Variants in PCM1 observed in about 807,000 individuals in gnomAD.
PCM1 encodes pericentriolar material 1.
Under a neutral mutation model 241.9 loss-of-function variants are expected in PCM1, and 157 were observed. That is an observed-to-expected ratio of 0.65 (90% CI 0.57 to 0.74). The LOEUF (loss-of-function observed/expected upper bound fraction) is 0.74, where lower values mean the gene tolerates loss of function less well. PCM1 is among the 30% of genes least tolerant of loss of function. The pLI is 0.00. For missense variants in PCM1, 3,478 were observed against 2,360.1 expected (o/e 1.47, Z -9.81); for synonymous variants, 1,085 against 784.9 (o/e 1.38, Z -6.39).
intron 18 of PCM1, among the ~76,000 whole-genome samples, chr8:17,965,635 A>G (rs1023022118): frequency 1.3e-5 from 2 of 152,266 alleles, no homozygotes; most frequent in African/African-American, 4.8e-5. Flanking sequence ...TTCTTCATGA[A>G]TAACAGATGG....
At chr8:18,008,388 G>A (rs2091891143) in intron 30 of PCM1, among the ~76,000 whole-genome samples, 1 of 151,844 alleles carries the variant, frequency 6.6e-6, no homozygotes, top group Non-Finnish European at 1.5e-5. Context: ...TAAGCTCAGG[G>A]CTCCCACTGA....
intron 6 of PCM1, among the ~76,000 whole-genome samples, chr8:17,942,602 G>GT (rs1445716693): frequency 1.3e-5 from 2 of 152,058 alleles, no homozygotes; most frequent in East Asian, 1.9e-4. Flanking sequence ...TTTTTTGCTG[G>GT]TTTTTTCTGC....
rs1254889531 is a variant in PCM1 at position 17,965,963 on chromosome 8, A to G, written c.2856-36A>G. 9 of 1,483,382 alleles carry G rather than the reference A, an allele frequency of 6.1e-6. No homozygotes were observed. In the South Asian group the frequency reaches 8.8e-5, roughly 15 times the overall value. The allele number at this position is 1,483,382 out of a possible 1,614,324, so 91.9% of individuals were successfully genotyped here. A position where few individuals can be genotyped will look rare whatever the true frequency, so the allele number is the denominator to read the frequency against. On this transcript the variant is annotated intron_variant, in intron 18 of 38. Transcript: ENST00000325083. ...GCTGTATTTTAAAAACCAAATTATT[A>G]TGTATGATGACTTAATGCTTTCAAT...
chr8:17,959,435 A>G (rs933756593), intron 13 of PCM1, among the ~76,000 whole-genome samples: 10 of 152,046 alleles, frequency 6.6e-5, no homozygotes, highest in Non-Finnish European at 1.0e-4. Flanking sequence ...CTTGTTTTCA[A>G]TCTTTCGCTA....
At chr8:17,964,333 T>C (rs2073948042) in intron 17 of PCM1, among the ~76,000 whole-genome samples, 3 of 152,138 alleles carry the variant, frequency 2.0e-5, no homozygotes, top group South Asian at 2.1e-4. Flanking sequence ...TCCCAGGGGA[T>C]ATGATGATTA....
intron 23 of PCM1, chr8:17,980,351 A>G: frequency 5.9e-6 from 2 of 341,688 alleles, no homozygotes; most frequent in Non-Finnish European, 5.3e-6. Flanking sequence ...GAATTGGAAT[A>G]TACTCATTAA....
rs775751746 is a variant in PCM1, at chr8:17,955,426, A to G, written c.1289-44A>G. The G allele has an allele frequency of 2.1e-6, 3 of 1,402,146 alleles. No homozygotes were observed. The East Asian group carries it at 7.2e-5, about 34-fold the overall frequency. The allele number at this position is 1,402,146 out of a possible 1,614,324, so 86.9% of individuals were successfully genotyped here. On this transcript the variant is annotated intron_variant, in intron 9 of 38. Transcript: ENST00000325083. ...CCAACTGTATGTGTTTGTTTATGGTAACTGGTGATTAAAAAAAATTTTTTG... is the reference window on the plus strand; with the variant it reads ...CCAACTGTATGTGTTTGTTTATGGTGACTGGTGATTAAAAAAAATTTTTTG...
intron 7 of PCM1, among the ~76,000 whole-genome samples, chr8:17,949,865 A>G (rs906651167): frequency 6.6e-6 from 1 of 152,244 alleles, no homozygotes; most frequent in Non-Finnish European, 1.5e-5. Context: ...TTAGTAGAAC[A>G]GTGACTATCA....
intron 6 of PCM1, among the ~76,000 whole-genome samples, chr8:17,946,619 C>T (rs1227363237): frequency 6.6e-6 from 1 of 152,074 alleles, no homozygotes; most frequent in African/African-American, 2.4e-5. Context: ...GCCTCAGCCT[C>T]CTGAGTAGCT....
chr8:18,006,462 T>TG, intron 30 of PCM1, 65 bp downstream of exon 30: 1 of 1,081,130 alleles, frequency 9.2e-7, no homozygotes, highest in South Asian at 1.5e-5. Context: ...TTTCGGGGGG[T>TG]GGGTGAGGCA....
intron 31 of PCM1, among the ~76,000 whole-genome samples, chr8:18,010,320 A>G (rs117567887): frequency 2.3e-3 from 346 of 152,304 alleles, no homozygotes; most frequent in Non-Finnish European, 3.2e-3. Context: ...GAAACAAGCC[A>G]AGACCCAAAC....
intron 18 of PCM1, among the ~76,000 whole-genome samples, 198 bp downstream of exon 18, chr8:17,964,966 T>C (rs2074246859): frequency 6.6e-6 from 1 of 152,112 alleles, no homozygotes; most frequent in South Asian, 2.1e-4. Context: ...ACCTCAGACT[T>C]CAATTTCAAC....
rs1421558176 is a variant in PCM1 at position 18,014,584 on chromosome 8, A to T, written c.5585A>T (p.Asn1862Ile). 3 of 1,596,262 alleles carry T rather than the reference A, an allele frequency of 1.9e-6. No homozygotes were observed. Among genetic ancestry groups the T allele is most frequent in the Non-Finnish European group, 2.6e-6 (3 of 1,169,556 alleles). ...VPLEREATSK[N>I]DQNNCPVKPC... is the part of the protein sequence containing the mutation. ...TGTTAAGACTTTCTTTTGATGACAG[A>T]TGACCAAAATAACTGTCCTGTGAAA... Residue 1862 changes from asparagine to isoleucine, a missense_variant and splice_region_variant, in exon 36 of 39, where the codon AAT becomes ATT. Coordinates refer to ENST00000325083, the MANE Select transcript of PCM1 (RefSeq NM_006197.4).
rs761946651 is a variant in PCM1, at chr8:17,937,292, C to T, written c.255C>T (p.His85=). The T allele has an allele frequency of 6.2e-7, 1 of 1,609,368 alleles. No homozygotes were observed. Among genetic ancestry groups the T allele is most frequent in the Non-Finnish European group, 8.5e-7 (1 of 1,176,624 alleles). ...CAAAGACTCCACATACGTTCCCACA[C>T]AGTAGATACATGAGTCAGATGTCTG... The part of the protein sequence containing the change: ...RRTKTPHTFP[H]SRYMSQMSVP... The change falls in exon 4 of 39, where the codon CAC becomes CAT. Residue 85 remains histidine, a synonymous_variant. Transcript: ENST00000325083.
intron 5 of PCM1, among the ~76,000 whole-genome samples, 167 bp from the exon 6 acceptor site, chr8:17,939,524 A>G (rs933135032): frequency 2.6e-5 from 4 of 152,302 alleles, no homozygotes; most frequent in African/African-American, 9.6e-5. Flanking sequence ...ATTAAAATCT[A>G]AGCTGGATTC....
chr8:17,955,824 G>A (rs534335304), intron 10 of PCM1, 171 bp downstream of exon 10: 8 of 615,304 alleles, frequency 1.3e-5, no homozygotes, highest in African/African-American at 1.3e-4. Context: ...AATTTGAGTT[G>A]TCTAAGAGAT....
intron 5 of PCM1, 23 bp from the exon 6 acceptor site, chr8:17,939,668 T>C: frequency 7.0e-7 from 1 of 1,431,520 alleles, no homozygotes; most frequent in Non-Finnish European, 9.3e-7. Context: ...ATGCTTTTTT[T>C]AAAAAAAATA....
chr8:17,953,689 T>C (rs948404964), intron 9 of PCM1, among the ~76,000 whole-genome samples: 2 of 152,210 alleles, frequency 1.3e-5, no homozygotes, highest in Admixed American at 6.5e-5. Context: ...TTAAAAAATA[T>C]ATAAATAATC....
intron 7 of PCM1, among the ~76,000 whole-genome samples, chr8:17,949,675 T>G (rs2065262746): frequency 6.6e-6 from 1 of 152,078 alleles, no homozygotes; most frequent in African/African-American, 2.4e-5. Context: ...TTTTTGTAGT[T>G]TTGTAGAGAT....
Sources: gnomAD v4.1 joint callset for allele counts (sites outside exome capture counted in the v4.1 genomes callset) on GRCh38, gnomAD v4.1.1 for gene constraint, MANE v1.5 for transcripts, NCBI Gene and HGNC (gene_info 2026-07-23, HGNC 2026-07-21) for gene names.